The following CCDC3 variants were observed in gnomAD, a reference collection of about 807,000 sequenced individuals.
CCDC3 encodes coiled-coil domain-containing protein 3.
A neutral mutation model predicts 21.4 loss-of-function variants in CCDC3; 24 were observed. The ratio of observed to expected loss-of-function variants is 1.12; its 90% CI spans 0.81 to 1.58. The LOEUF is 1.58. CCDC3 is among the 40% of genes most tolerant of loss of function. The pLI, the probability that CCDC3 is intolerant of heterozygous loss-of-function variation, is 0.00. For missense variants in CCDC3, 425 were observed against 360.9 expected, an observed-to-expected ratio of 1.18 and a Z score of -1.44; for synonymous variants, 186 against 166.0, an observed-to-expected ratio of 1.12 and a Z score of -0.93.
chr10:12,958,729 T>A (rs1835131922), intron 2 of CCDC3, among the ~76,000 whole-genome samples: 1 of 152,116 alleles, frequency 6.6e-6, no homozygotes, highest in Admixed American at 6.5e-5. Flanking sequence ...CTGAAGCTCC[T>A]CTCCTCTCTG....
intron 2 of CCDC3, among the ~76,000 whole-genome samples, chr10:12,991,509 C>T (rs879944721): frequency 9.2e-5 from 14 of 151,944 alleles, no homozygotes; most frequent in East Asian, 1.9e-4. Context: ...TTAGTAGAGA[C>T]GGGGTTTCAC....
intron 2 of CCDC3, among the ~76,000 whole-genome samples, chr10:12,935,090 C>T (rs961902767): frequency 2.6e-5 from 4 of 151,636 alleles, no homozygotes; most frequent in Admixed American, 2.0e-4. Context: ...TAGGGTCTTG[C>T]TATGTTGCCC....
At chr10:12,986,750 G>A (rs1171257968) in intron 2 of CCDC3, among the ~76,000 whole-genome samples, 1 of 150,440 alleles carries the variant, frequency 6.6e-6, no homozygotes, top group Non-Finnish European at 1.5e-5. Flanking sequence ...CCCAGCCTGG[G>A]CGGCAGAGCG....
intron 2 of CCDC3, among the ~76,000 whole-genome samples, chr10:12,927,584 CAA>C: frequency 6.7e-6 from 1 of 150,036 alleles, no homozygotes; most frequent in Non-Finnish European, 1.5e-5. Flanking sequence ...CTACAAATGG[CAA>C]AAAAAAACCT....
intron 2 of CCDC3, among the ~76,000 whole-genome samples, chr10:12,910,034 T>G (rs1465450431): frequency 6.6e-6 from 1 of 152,238 alleles, no homozygotes; most frequent in East Asian, 1.9e-4. Flanking sequence ...GCTGTGATCA[T>G]GTTCATGTTT....
chr10:12,941,207 C>G (rs1159162822), intron 2 of CCDC3, among the ~76,000 whole-genome samples: 1 of 152,220 alleles, frequency 6.6e-6, no homozygotes, highest in Non-Finnish European at 1.5e-5. Flanking sequence ...TACACTCCCA[C>G]CAGTGCCATG....
At chr10:13,055,917 C>A (rs1163865729) in intron 4 of CCDC3, among the ~76,000 whole-genome samples, 2 of 152,178 alleles carry the variant, frequency 1.3e-5, no homozygotes, top group Non-Finnish European at 2.9e-5. Context: ...GAGGTCTTTA[C>A]AACCCCTTTT....
chr10:12,971,871 TAG>T (rs1248713048), intron 2 of CCDC3, among the ~76,000 whole-genome samples: 2 of 151,996 alleles, frequency 1.3e-5, no homozygotes, highest in African/African-American at 4.8e-5. Flanking sequence ...GTATTTTTAG[TAG>T]AGACAGGGTT....
chr10:12,984,255 C>T (rs975446438), intron 2 of CCDC3, among the ~76,000 whole-genome samples: 1 of 152,176 alleles, frequency 6.6e-6, no homozygotes, highest in African/African-American at 2.4e-5. Context: ...CTTGAATAGA[C>T]GTTTCTCCCA....
At chr10:12,931,865 G>A (rs901224278) in intron 2 of CCDC3, among the ~76,000 whole-genome samples, 4 of 152,318 alleles carry the variant, frequency 2.6e-5, no homozygotes, top group African/African-American at 7.2e-5. Context: ...ACTACCCAAA[G>A]GACCTGTAAG....
intron 2 of CCDC3, among the ~76,000 whole-genome samples, chr10:12,928,662 T>TC (rs1834586745): frequency 6.6e-6 from 1 of 152,182 alleles, no homozygotes; most frequent in South Asian, 2.1e-4. Flanking sequence ...TCAACCGACC[T>TC]CCCAGCCTGC....
intron 4 of CCDC3, among the ~76,000 whole-genome samples, chr10:13,061,769 G>A (rs1030126151): frequency 6.6e-6 from 1 of 152,168 alleles, no homozygotes; most frequent in Admixed American, 6.5e-5. Context: ...AAATATTCAG[G>A]TTCAGATAAA....
chr10:13,030,473 T>A (rs1836284994), intron 5 of CCDC3, among the ~76,000 whole-genome samples: 1 of 152,158 alleles, frequency 6.6e-6, no homozygotes, highest in African/African-American at 2.4e-5. Context: ...AACGACAGGA[T>A]AAAATTCACA....
rs540144226 is a variant in CCDC3 at position 12,936,669 on chromosome 10, G to A, written c.550-37990C>T. On this transcript the variant is annotated intron_variant, in intron 2 of 2. Transcript: ENST00000378825. ...CCTAAGACCAAGCACAGAGGCTTAC[G>A]CCTGTAATCCCAGTGCTTTGGGAGA... 3.3e-5 allele frequency among the ~76,000 whole-genome samples: 5 copies of A among 152,340 alleles called. No individual in the cohort carries two copies. The South Asian group carries it at 8.3e-4, about 25-fold the overall frequency.
At chr10:12,901,986 C>T (rs1386250586) in intron 2 of CCDC3, among the ~76,000 whole-genome samples, 1 of 152,180 alleles carries the variant, frequency 6.6e-6, no homozygotes, top group African/African-American at 2.4e-5. Flanking sequence ...TGCTTTCCAC[C>T]GGGTCTCCCT....
rs542084200 is a variant in CCDC3 at position 13,014,112 on chromosome 10, T to C, written c.-1-15600A>G. Among the ~76,000 whole-genome samples, 94 of 148,876 alleles carry C rather than the reference T, an allele frequency of 6.3e-4. 1 individual carries two copies. Among genetic ancestry groups the C allele is most frequent in the Non-Finnish European group, 1.1e-3 (73 of 67,316 alleles). ...ATTGCAGTGAGCCGAGATCACGCCA[T>C]TGCACTCCAGCCTGGGTGACAAAGT... On this transcript the variant is annotated intron_variant, in intron 5 of 6. Coordinates refer to the CCDC3 transcript ENST00000378839.
intron 2 of CCDC3, among the ~76,000 whole-genome samples, chr10:12,917,609 G>A (rs1369557982): frequency 2.0e-5 from 3 of 152,150 alleles, no homozygotes; most frequent in Admixed American, 6.6e-5. Context: ...GATTTTCTGC[G>A]TGGGAGATGA....
At chr10:12,971,145 T>G (rs1835337223) in intron 2 of CCDC3, among the ~76,000 whole-genome samples, 1 of 152,160 alleles carries the variant, frequency 6.6e-6, no homozygotes, top group Non-Finnish European at 1.5e-5. Flanking sequence ...GAGTGCTGCC[T>G]CCCTCCCTGT....
chr10:13,081,456 C>T (rs1441636928), intron 3 of CCDC3, among the ~76,000 whole-genome samples: 1 of 152,182 alleles, frequency 6.6e-6, no homozygotes, highest in African/African-American at 2.4e-5. Flanking sequence ...GCCGTTCACA[C>T]AGCAGAAAAG....
Sources: gnomAD v4.1 joint callset for allele counts (sites outside exome capture counted in the v4.1 genomes callset) on GRCh38, gnomAD v4.1.1 for gene constraint, MANE v1.5 for transcripts, NCBI Gene and HGNC (gene_info 2026-07-23, HGNC 2026-07-21) for gene names.